The following NDST3 variants were observed in gnomAD, a reference collection of about 807,000 sequenced individuals.
NDST3 encodes the protein N-deacetylase and N-sulfotransferase 3.
Under a neutral mutation model 96.1 loss-of-function variants are expected in NDST3, and 58 were observed. That is an observed-to-expected ratio of 0.60 (90% CI 0.49 to 0.75). The LOEUF is 0.75. Ranked by LOEUF, NDST3 falls within the 30% of genes least tolerant of loss-of-function variation. The pLI, the probability that NDST3 is intolerant of heterozygous loss-of-function variation, is 0.00. For missense variants in NDST3, 788 were observed against 1,034.2 expected, an observed-to-expected ratio of 0.76 and a Z score of 3.27; for synonymous variants, 333 against 359.7, an observed-to-expected ratio of 0.93 and a Z score of 0.84.
chr4:118,059,993 C>T (rs1725763659), intron 2 of NDST3, among the ~76,000 whole-genome samples: 1 of 152,048 alleles, frequency 6.6e-6, no homozygotes, highest in African/African-American at 2.4e-5. Context: ...TTCAAATTTG[C>T]TAGATTTACT....
At chr4:118,204,883 A>C (rs1159479776) in intron 6 of NDST3, among the ~76,000 whole-genome samples, 1 of 144,520 alleles carries the variant, frequency 6.9e-6, no homozygotes, top group Non-Finnish European at 1.5e-5. Context: ...TTCTAACACA[A>C]ATATAGTTGC....
chr4:118,161,247 G>A (rs1578747460), intron 6 of NDST3, among the ~76,000 whole-genome samples: 1 of 152,326 alleles, frequency 6.6e-6, no homozygotes, highest in Non-Finnish European at 1.5e-5. Context: ...TCTCAGAGGA[G>A]TACCCGGCCG....
At chr4:118,252,069 A>C (rs1741781747) in intron 12 of NDST3, among the ~76,000 whole-genome samples, 1 of 152,216 alleles carries the variant, frequency 6.6e-6, no homozygotes, top group Non-Finnish European at 1.5e-5. Flanking sequence ...TGGAAGTAGC[A>C]TTCCTAGAAG....
At chr4:118,066,123 T>C (rs1726318732) in intron 2 of NDST3, among the ~76,000 whole-genome samples, 1 of 50,490 alleles carries the variant, frequency 2.0e-5, no homozygotes, top group Non-Finnish European at 3.9e-5. Flanking sequence ...TTATATATTA[T>C]ATATATTATA....
chr4:118,088,666 T>C lies in NDST3; in HGVS notation c.982-16352T>C, dbSNP rs1460243189. On this transcript the variant is annotated intron_variant, in intron 2 of 13. Transcript: ENST00000296499. ...AATTTAGTTCGGGGTAACTCTAAAA[T>C]GTTTGTGTTCAAATTACCAATAAGA... 2.6e-5 allele frequency among the ~76,000 whole-genome samples: 4 copies of C among 152,078 alleles called. No homozygotes were observed. The South Asian group carries it at 6.2e-4, about 24-fold the overall frequency.
At chr4:118,151,669 A>C (rs1188434950) in intron 6 of NDST3, among the ~76,000 whole-genome samples, 2 of 152,162 alleles carry the variant, frequency 1.3e-5, no homozygotes. Context: ...TGTTATAGAA[A>C]TTGTAAACCT....
chr4:118,199,236 T>C (rs1737905718), intron 6 of NDST3, among the ~76,000 whole-genome samples: 1 of 152,182 alleles, frequency 6.6e-6, no homozygotes, highest in East Asian at 1.9e-4. Context: ...GCATGCTTCA[T>C]GGTTTTTTAT....
chr4:118,093,901 TTAAG>T (rs2125834790), intron 2 of NDST3, among the ~76,000 whole-genome samples: 1 of 151,942 alleles, frequency 6.6e-6, no homozygotes, highest in Non-Finnish European at 1.5e-5. Flanking sequence ...CTAGTAAGGG[TTAAG>T]TGTCTCTGCT....
intron 6 of NDST3, among the ~76,000 whole-genome samples, chr4:118,182,607 A>T (rs1182949462): frequency 6.6e-6 from 1 of 152,170 alleles, no homozygotes; most frequent in Non-Finnish European, 1.5e-5. Context: ...AATTGAAATG[A>T]TCAAAGGAAA....
At chr4:118,130,599 A>C (rs1732532186) in intron 4 of NDST3, among the ~76,000 whole-genome samples, 1 of 152,006 alleles carries the variant, frequency 6.6e-6, no homozygotes, top group Non-Finnish European at 1.5e-5. Flanking sequence ...AAGTTTACAC[A>C]CCACCATTAC....
At chr4:118,226,265 T>C (rs1328236908) in intron 7 of NDST3, among the ~76,000 whole-genome samples, 1 of 152,174 alleles carries the variant, frequency 6.6e-6, no homozygotes, top group Non-Finnish European at 1.5e-5. Flanking sequence ...TGTTAAATAT[T>C]ATAGACCAAA....
rs1450969117 is a variant in NDST3 at position 118,256,507 on chromosome 4, A to C, written c.*795A>C. Reference sequence around the variant, plus strand: ...AAAGTGTACTGACTGAATCCTCTAAAAGGGAGAAATTGTAGGGGTCTAAAA... The same window carrying C: ...AAAGTGTACTGACTGAATCCTCTAACAGGGAGAAATTGTAGGGGTCTAAAA... On this transcript the variant is annotated 3_prime_UTR_variant, in exon 14 of 14. Coordinates refer to ENST00000296499, the MANE Select transcript of NDST3 (RefSeq NM_004784.3). 1 of 152,200 alleles carries C rather than the reference A, an allele frequency of 6.6e-6. No homozygotes were observed. Among genetic ancestry groups the C allele is most frequent in the Non-Finnish European group, 1.5e-5 (1 of 68,020 alleles). 9.4% of individuals were successfully genotyped at this position (152,200 alleles called of 1,614,324 possible).
intron 4 of NDST3, among the ~76,000 whole-genome samples, chr4:118,134,515 A>T (rs1227457143): frequency 6.6e-6 from 1 of 152,226 alleles, no homozygotes; most frequent in Non-Finnish European, 1.5e-5. Flanking sequence ...AGAATTGAAG[A>T]AAAGTAGCTA....
intron 11 of NDST3, among the ~76,000 whole-genome samples, chr4:118,241,523 T>C (rs1309450819): frequency 6.6e-6 from 1 of 152,218 alleles, no homozygotes; most frequent in African/African-American, 2.4e-5. Context: ...CTTAGTTTCT[T>C]GAGGAACTTT....
In NDST3 at chr4:118,186,922, G is replaced by C. The variant is rs114722833; in HGVS notation, c.1540-37569G>C. 5.1e-3 allele frequency among the ~76,000 whole-genome samples: 775 copies of C among 152,266 alleles called. 7 individuals are homozygous for C. The highest frequency in any genetic ancestry group is 0.018 in the African/African-American group (739 of 41,566). On this transcript the variant is annotated intron_variant, in intron 6 of 13. Transcript: ENST00000296499. The stretch of plus-strand genomic sequence containing the variant: ...TCAGGAGAGACCATTTGACATTCTT[G>C]AGATGGCTGCATGCAAACATTCAAA...
At chr4:118,151,688 G>A (rs1402295820) in intron 6 of NDST3, among the ~76,000 whole-genome samples, 1 of 152,074 alleles carries the variant, frequency 6.6e-6, no homozygotes, top group Non-Finnish European at 1.5e-5. Context: ...CTAGAATCAA[G>A]GTTTCAGAAT....
At chr4:118,042,390 A>G (rs1455780916) in intron 1 of NDST3, among the ~76,000 whole-genome samples, 1 of 152,122 alleles carries the variant, frequency 6.6e-6, no homozygotes, top group Non-Finnish European at 1.5e-5. Context: ...TTACAGCAGC[A>G]GCCCCTTAGC....
intron 2 of NDST3, among the ~76,000 whole-genome samples, chr4:118,091,575 T>C (rs541018556): frequency 1.1e-4 from 16 of 151,706 alleles, no homozygotes; most frequent in Non-Finnish European, 2.2e-4. Flanking sequence ...AGTAATGTGA[T>C]GCATCCTTAC....
At chr4:118,243,480 A>C (rs1045990265) in intron 12 of NDST3, among the ~76,000 whole-genome samples, 4 of 152,174 alleles carry the variant, frequency 2.6e-5, no homozygotes, top group African/African-American at 2.4e-5. Flanking sequence ...TACTATGAGT[A>C]CTGTCAGAGT....
Sources: allele counts gnomAD v4.1 joint callset (sites outside exome capture counted in the v4.1 genomes callset), GRCh38; gene constraint gnomAD v4.1.1; transcripts MANE v1.5; gene names NCBI Gene and HGNC (gene_info 2026-07-23, HGNC 2026-07-21).